Variants in POU3F3 observed in about 807,000 individuals in gnomAD.
POU3F3 encodes POU class 3 homeobox 3.
Under a neutral mutation model 8.6 loss-of-function variants are expected in POU3F3, and 1 was observed. The ratio of observed to expected loss-of-function variants is 0.12; its 90% CI spans 0.04 to 0.55. The LOEUF (loss-of-function observed/expected upper bound fraction) is 0.55, where lower values mean the gene tolerates loss of function less well. Among genes scored for constraint, POU3F3 ranks in the 20% least tolerant of loss-of-function variants. POU3F3 has a pLI of 0.91. For synonymous variants in POU3F3, 418 were observed against 327.4 expected (o/e 1.28, Z -2.99); for missense variants, 577 against 690.7 (o/e 0.84, Z 1.84).
chr2:104,863,613 G>T, the POU3F3 span, among the ~76,000 whole-genome samples: 1 of 152,126 alleles, frequency 6.6e-6, no homozygotes, highest in African/African-American at 2.4e-5. Flanking sequence ...GGGCCCTGGA[G>T]CCCTGGAGCG....
At chr2:104,893,719 TA>T in the POU3F3 span, among the ~76,000 whole-genome samples, 1 of 151,714 alleles carries the variant, frequency 6.6e-6, no homozygotes, top group Non-Finnish European at 1.5e-5. Flanking sequence ...CCATGTCTAC[TA>T]AAAATGCAAA....
the POU3F3 span, among the ~76,000 whole-genome samples, chr2:104,918,915 A>C: frequency 1.4e-5 from 2 of 147,220 alleles, no homozygotes; most frequent in African/African-American, 2.6e-5. Flanking sequence ...TTTCAAGCCC[A>C]GGCTGGAGTG....
the POU3F3 span, among the ~76,000 whole-genome samples, chr2:104,884,808 T>C: frequency 6.6e-4 from 100 of 152,250 alleles, no homozygotes; most frequent in African/African-American, 2.4e-3. Context: ...GATCGTCTTA[T>C]TGGGGAGGGA....
the POU3F3 span, among the ~76,000 whole-genome samples, chr2:104,912,961 A>C: frequency 6.6e-6 from 1 of 152,176 alleles, no homozygotes; most frequent in African/African-American, 2.4e-5. Context: ...TCAACCCAAT[A>C]AATTTTCATA....
At chr2:104,917,308 C>G in the POU3F3 span, among the ~76,000 whole-genome samples, 2 of 152,266 alleles carry the variant, frequency 1.3e-5, no homozygotes, top group South Asian at 4.2e-4. Context: ...TTTGGAGAAC[C>G]CTGACTAATA....
chr2:104,926,501 TTGG>T, the POU3F3 span, among the ~76,000 whole-genome samples: 2 of 152,216 alleles, frequency 1.3e-5, no homozygotes, highest in Admixed American at 6.5e-5. Context: ...TTTTACACTG[TTGG>T]TGGGAGTGTA....
chr2:104,906,192 A>C, the POU3F3 span, among the ~76,000 whole-genome samples: 2 of 152,198 alleles, frequency 1.3e-5, no homozygotes, highest in African/African-American at 4.8e-5. Flanking sequence ...TCTTTGATCC[A>C]TTTGAATTTA....
chr2:104,872,044 C>T, the POU3F3 span, among the ~76,000 whole-genome samples: 2 of 151,954 alleles, frequency 1.3e-5, no homozygotes, highest in Non-Finnish European at 2.9e-5. This position sits in a 1 kb window ranked among gnomAD's most constrained non-coding sequence, Gnocchi z 4.6. Context: ...TCCCTCATCG[C>T]GCTCCCCACC....
chr2:104,881,910 CA>C, the POU3F3 span, among the ~76,000 whole-genome samples: 1 of 152,198 alleles, frequency 6.6e-6, no homozygotes, highest in East Asian at 1.9e-4. Flanking sequence ...TCATCGTTCC[CA>C]CTCCACCGCA....
chr2:104,858,707 A>G (rs1368802135), downstream of POU3F3: 1 of 152,242 alleles, frequency 6.6e-6, no homozygotes, highest in Non-Finnish European at 1.5e-5. Flanking sequence ...ACTTTTGGAA[A>G]TCTAGAGTAA....
At chr2:104,925,419 G>T in the POU3F3 span, among the ~76,000 whole-genome samples, 1 of 152,112 alleles carries the variant, frequency 6.6e-6, no homozygotes, top group Non-Finnish European at 1.5e-5. Flanking sequence ...AAATGAGTAG[G>T]TAAGAAATTC....
chr2:104,879,899 T>G, the POU3F3 span, among the ~76,000 whole-genome samples: 1 of 152,198 alleles, frequency 6.6e-6, no homozygotes, highest in Non-Finnish European at 1.5e-5. Flanking sequence ...AACTGAGAAC[T>G]TCAAACTATA....
chr2:104,926,270 C>T, the POU3F3 span, among the ~76,000 whole-genome samples: 5 of 152,054 alleles, frequency 3.3e-5, no homozygotes, highest in African/African-American at 7.2e-5. Flanking sequence ...AAAAAACAAA[C>T]AACCCCATCA....
At chr2:104,861,810 G>C (rs1379365323), downstream of POU3F3, among the ~76,000 whole-genome samples, 1 of 152,168 alleles carries the variant, frequency 6.6e-6, no homozygotes, top group Non-Finnish European at 1.5e-5. Context: ...TCTGTAGGTC[G>C]GTTGGTCATC....
At chr2:104,900,438 A>T in the POU3F3 span, among the ~76,000 whole-genome samples, 2 of 152,244 alleles carry the variant, frequency 1.3e-5, no homozygotes, top group African/African-American at 2.4e-5. Context: ...ATGTTTAGAC[A>T]GTTTCCCCCT....
the POU3F3 span, among the ~76,000 whole-genome samples, chr2:104,895,599 A>C: frequency 2.0e-5 from 3 of 152,230 alleles, no homozygotes; most frequent in African/African-American, 7.2e-5. Context: ...TTATTCCCAG[A>C]GATCCAAACA....
chr2:104,925,057 C>T, the POU3F3 span, among the ~76,000 whole-genome samples: 1 of 152,174 alleles, frequency 6.6e-6, no homozygotes, highest in Non-Finnish European at 1.5e-5. Flanking sequence ...TCATGAAGCC[C>T]TTTAATGAGA....
the POU3F3 span, among the ~76,000 whole-genome samples, chr2:104,890,079 T>G: frequency 1.6e-4 from 24 of 152,180 alleles, no homozygotes; most frequent in Admixed American, 4.6e-4. Flanking sequence ...TGGTTGACCG[T>G]CACGGGACTC....
the POU3F3 span, among the ~76,000 whole-genome samples, chr2:104,908,230 G>A: frequency 6.6e-6 from 1 of 152,120 alleles, no homozygotes; most frequent in East Asian, 1.9e-4. Context: ...CAACATGCAT[G>A]AGTACTCCCA....
Sources: allele counts gnomAD v4.1 joint callset (sites outside exome capture counted in the v4.1 genomes callset), GRCh38; gene constraint gnomAD v4.1.1; non-coding constraint Gnocchi (gnomAD v3.1); transcripts MANE v1.5; gene names NCBI Gene and HGNC (gene_info 2026-07-23, HGNC 2026-07-21).